Variants in NFIB observed in about 807,000 individuals in gnomAD.
NFIB encodes nuclear factor I B.
A neutral mutation model predicts 61.5 loss-of-function variants in NFIB; 11 were observed. That is an observed-to-expected ratio of 0.18 (90% CI 0.11 to 0.30). The LOEUF is 0.30. Ranked by LOEUF, NFIB falls within the 10% of genes least tolerant of loss-of-function variation. The pLI, the probability that NFIB is intolerant of heterozygous loss-of-function variation, is 1.00. For missense variants in NFIB, 471 were observed against 608.9 expected (o/e 0.77, Z 2.38); for synonymous variants, 260 against 216.5 (o/e 1.20, Z -1.76).
At chr9:14,182,159 T>C (rs1008027469) in intron 2 of NFIB, among the ~76,000 whole-genome samples, 10 of 152,174 alleles carry the variant, frequency 6.6e-5, no homozygotes, top group African/African-American at 2.4e-4. Context: ...GACCAACTTC[T>C]TCGATTGAAA....
the NFIB span, among the ~76,000 whole-genome samples, chr9:14,502,803 G>A: frequency 6.6e-6 from 1 of 152,012 alleles, no homozygotes; most frequent in Non-Finnish European, 1.5e-5. Flanking sequence ...TTCTTTAGTG[G>A]TAATTTCTGA....
rs2032050861 is a variant in NFIB at position 14,082,190 on chromosome 9, G to C, written c.*6119C>G. On this transcript the variant is annotated 3_prime_UTR_variant, in exon 11 of 11. Transcript: ENST00000380953. ...TACTGCTAAAGGTTTGTTACATGGAGATTGTGCATGTGCCTCCTTTTGTAA... is the reference window on the plus strand; with the variant it reads ...TACTGCTAAAGGTTTGTTACATGGACATTGTGCATGTGCCTCCTTTTGTAA... The C allele has an allele frequency of 4.9e-6, 1 of 205,992 alleles. No individual in the cohort carries two copies. Among genetic ancestry groups the C allele is most frequent in the African/African-American group, 2.3e-5 (1 of 43,754 alleles). 12.8% of individuals were successfully genotyped at this position (205,992 alleles called of 1,614,324 possible).
the NFIB span, among the ~76,000 whole-genome samples, chr9:14,530,970 C>T: frequency 2.6e-5 from 4 of 152,104 alleles, no homozygotes; most frequent in East Asian, 1.9e-4. Context: ...AACCCAATGA[C>T]GAATTTAATA....
chr9:14,449,973 A>T, the NFIB span, among the ~76,000 whole-genome samples: 38,072 of 151,730 alleles, frequency 0.25, 5,012 homozygotes, highest in African/African-American at 0.32. Context: ...AATTTTTTTT[A>T]AAAAAAATTA....
intron 2 of NFIB, among the ~76,000 whole-genome samples, chr9:14,203,165 A>AT (rs112873561): frequency 0.025 from 3,701 of 149,002 alleles, 209 homozygotes; most frequent in East Asian, 0.19. Flanking sequence ...CAGCCCCCAC[A>AT]TTTTTTTTTT....
At chr9:14,169,325 C>T (rs73642101) in intron 3 of NFIB, among the ~76,000 whole-genome samples, 1 of 151,872 alleles carries the variant, frequency 6.6e-6, no homozygotes, top group Non-Finnish European at 1.5e-5. Context: ...TAGAGCACTG[C>T]GCAAGGGGAA....
rs73417764 is a variant in NFIB at position 14,307,608 on chromosome 9, G to A, written c.31-88C>T. On this transcript the variant is annotated intron_variant, in intron 1 of 10. Transcript: ENST00000380953. This position sits in a 1 kb window ranked among gnomAD's most constrained non-coding sequence, Gnocchi z 5.3. ...AAATAAGAAAAGAAGACCACAACCC[G>A]TTTCCAATTCAGTACAAAAAGTTAT... The A allele has an allele frequency of 2.7e-3, 3,441 of 1,278,772 alleles. 89 individuals are homozygous for A. The African/African-American group carries it at 0.046, about 17-fold the overall frequency. 79.2% of individuals were successfully genotyped at this position (1,278,772 alleles called of 1,614,324 possible). A position where few individuals can be genotyped will look rare whatever the true frequency, so the allele number is the denominator to read the frequency against.
At chr9:14,129,097 C>A (rs535813289) in intron 6 of NFIB, among the ~76,000 whole-genome samples, 2 of 151,856 alleles carry the variant, frequency 1.3e-5, no homozygotes, top group African/African-American at 4.8e-5. Context: ...ACAGAAGAAA[C>A]AGAATACAAT....
chr9:14,443,035 C>A, the NFIB span, among the ~76,000 whole-genome samples: 1 of 111,302 alleles, frequency 9.0e-6, no homozygotes, highest in African/African-American at 3.4e-5. Context: ...ACCCCCCACC[C>A]GCCCCCCCGC....
upstream of NFIB, chr9:14,314,228 G>T (rs1244225929): frequency 1.3e-6 from 1 of 758,058 alleles, no homozygotes; most frequent in Non-Finnish European, 1.6e-6. Context: ...GTGAGGGAGG[G>T]GGCGCGAGCG....
At chr9:14,412,532 T>C in the NFIB span, among the ~76,000 whole-genome samples, 1 of 152,252 alleles carries the variant, frequency 6.6e-6, no homozygotes, top group Non-Finnish European at 1.5e-5. Context: ...CTGCTGCGAC[T>C]GGCCTCCCTA....
the NFIB span, among the ~76,000 whole-genome samples, chr9:14,404,761 C>A: frequency 2.0e-5 from 3 of 152,166 alleles, no homozygotes; most frequent in Admixed American, 6.5e-5. Context: ...AGAACCTATT[C>A]TAGCGTGGAT....
At chr9:14,262,485 T>C (rs1588001324) in intron 2 of NFIB, among the ~76,000 whole-genome samples, 1 of 152,182 alleles carries the variant, frequency 6.6e-6, no homozygotes, top group Non-Finnish European at 1.5e-5. Context: ...ATCCAAATTA[T>C]GGAATGAACT....
chr9:14,237,842 A>ACT (rs1554683484), intron 2 of NFIB, among the ~76,000 whole-genome samples: 1 of 52,520 alleles, frequency 1.9e-5, no homozygotes, highest in African/African-American at 7.8e-5. Context: ...TAGGTATAAC[A>ACT]GTGTGTGTGT....
At chr9:14,323,659 G>C (rs1296030002) in intron 1 of NFIB, among the ~76,000 whole-genome samples, 1 of 152,052 alleles carries the variant, frequency 6.6e-6, no homozygotes, top group Non-Finnish European at 1.5e-5. Context: ...AATAGCTCCC[G>C]ATGAATTATT....
chr9:14,178,937 G>C (rs1345719646), intron 3 of NFIB, among the ~76,000 whole-genome samples: 1 of 152,134 alleles, frequency 6.6e-6, no homozygotes, highest in East Asian at 1.9e-4. Context: ...GGCATGTGTA[G>C]CTGGTTCGGG....
At position 14,220,849 on chromosome 9, in the gene NFIB, A is replaced by G. The variant is rs1286670463; in HGVS notation, c.563-41069T>C. Among the ~76,000 whole-genome samples, 5 of 106,542 alleles carry G rather than the reference A, an allele frequency of 4.7e-5. No homozygotes were observed. In the East Asian group the frequency reaches 1.5e-3, roughly 33 times the overall value. The allele number at this position is 106,542 out of a possible 152,430, so 69.9% of individuals were successfully genotyped here. A position where few individuals can be genotyped will look rare whatever the true frequency, so the allele number is the denominator to read the frequency against. ...CAGTGAAATCAATCTCCCTACACACACACACACACACACACACACACACAC... is the reference window on the plus strand; with the variant it reads ...CAGTGAAATCAATCTCCCTACACACGCACACACACACACACACACACACAC... On this transcript the variant is annotated intron_variant, in intron 2 of 10. Coordinates refer to ENST00000380953, the MANE Select transcript of NFIB (RefSeq NM_001190737.2).
At chr9:14,099,175 G>A (rs529395177) in intron 10 of NFIB, among the ~76,000 whole-genome samples, 2 of 152,172 alleles carry the variant, frequency 1.3e-5, no homozygotes, top group Admixed American at 6.5e-5. Context: ...CAAAACACCC[G>A]TTTTGCTTTG....
In NFIB at chr9:14,179,745, G is replaced by C. The variant is rs1393972254; in HGVS notation, c.598C>G (p.Pro200Ala). 2 of 1,613,394 alleles carry C rather than the reference G, an allele frequency of 1.2e-6. No homozygotes were observed. Among genetic ancestry groups the C allele is most frequent in the African/African-American group, 2.7e-5 (2 of 74,880 alleles). Residue 200 changes from proline to alanine, a missense_variant, in exon 3 of 11, where the codon CCT becomes GCT. This residue lies in a region of NFIB where 372 missense variants were observed against 395.6 expected (regional missense o/e 0.94). Coordinates refer to ENST00000380953, the MANE Select transcript of NFIB (RefSeq NM_001190737.2). The part of the protein sequence containing the change: ...GQSGSPSHND[P>A]AKNPPGYLED... The stretch of plus-strand genomic sequence containing the variant: ...TATTTACCTGGAGGATTCTTGGCAG[G>C]ATCATTGTGGCTTGGACTTCCTGAT...
Sources: allele counts gnomAD v4.1 joint callset (sites outside exome capture counted in the v4.1 genomes callset), GRCh38; gene constraint gnomAD v4.1.1; regional missense constraint gnomAD v4.1.1; non-coding constraint Gnocchi (gnomAD v3.1); transcripts MANE v1.5; gene names NCBI Gene and HGNC (gene_info 2026-07-23, HGNC 2026-07-21).